The following RIOX2 variants were observed in gnomAD, a reference collection of about 807,000 sequenced individuals.
The protein encoded by RIOX2 is ribosomal oxygenase 2.
Under a neutral mutation model 51.2 loss-of-function variants are expected in RIOX2, and 43 were observed. The ratio of observed to expected loss-of-function variants is 0.84; its 90% CI spans 0.66 to 1.08. RIOX2 has a LOEUF of 1.08. Among genes scored for constraint, RIOX2 ranks in the 50% least tolerant of loss-of-function variants. The pLI is 0.00. For missense variants in RIOX2, 566 were observed against 561.7 expected (o/e 1.01, Z -0.08); for synonymous variants, 226 against 218.5 (o/e 1.03, Z -0.30).
intron 1 of RIOX2, among the ~76,000 whole-genome samples, chr3:97,968,988 G>T (rs1706013989): frequency 6.6e-6 from 1 of 152,222 alleles, no homozygotes; most frequent in Non-Finnish European, 1.5e-5. Context: ...TGGGAAGTAA[G>T]CATCCTGGAA....
Position 97,945,802 on chromosome 3 carries a change from G to A in RIOX2, c.1235C>T (p.Thr412Ile). 1 of 1,607,592 alleles carries A rather than the reference G, an allele frequency of 6.2e-7. No individual in the cohort carries two copies. The highest frequency in any genetic ancestry group is 8.5e-7 in the Non-Finnish European group (1 of 1,174,956). Residue 412 changes from threonine (T) to isoleucine (I), a missense_variant, in exon 9 of 10, where the codon ACA becomes ATA. Thr to Ile is a moderately conservative substitution (Grantham distance 89). Coordinates refer to ENST00000394198, the MANE Select transcript of RIOX2 (RefSeq NM_153182.4). ...TTGTTTTCAGTTGAAACAAACCTCT[G>A]TTTCCTCCTCATTTCCCATCATGTG... ...ETHMMGNEEE[T>I]EFHGLRFPLS...
At chr3:97,946,508 A>C (rs1319104781) in intron 8 of RIOX2, among the ~76,000 whole-genome samples, 1 of 150,392 alleles carries the variant, frequency 6.6e-6, no homozygotes, top group African/African-American at 2.5e-5. Flanking sequence ...CCTAGCGTAC[A>C]ATGTCTCAAA....
chr3:97,945,737 C>CA (rs2040339756), intron 9 of RIOX2, 61 bp downstream of exon 9: 2 of 1,279,282 alleles, frequency 1.6e-6, no homozygotes, highest in Admixed American at 3.8e-5. Flanking sequence ...CAAAAATAAT[C>CA]AATTCTTCCC....
chr3:97,948,120 C>G (rs1575993690), intron 7 of RIOX2, among the ~76,000 whole-genome samples: 1 of 152,124 alleles, frequency 6.6e-6, no homozygotes, highest in African/African-American at 2.4e-5. Context: ...GGGCCATAAG[C>G]TGGTGCATAA....
chr3:97,950,525 C>T (rs1705201701), intron 6 of RIOX2, among the ~76,000 whole-genome samples: 1 of 152,212 alleles, frequency 6.6e-6, no homozygotes, highest in African/African-American at 2.4e-5. Flanking sequence ...CCGTACTATT[C>T]ATTTACTCAA....
At chr3:97,968,968 T>C (rs1170678790) in intron 1 of RIOX2, among the ~76,000 whole-genome samples, 1 of 152,256 alleles carries the variant, frequency 6.6e-6, no homozygotes, top group Non-Finnish European at 1.5e-5. Context: ...GTGGAATTAA[T>C]GTTCTGGCCT....
rs569325121 is a variant in RIOX2 at position 97,945,483 on chromosome 3, C to A, written c.1240-141G>T. ...TTTTAGACACACTACAATTAGATAA[C>A]ATAAAAGATGCCAACTTCTATATAA... is the stretch of plus-strand genomic sequence containing the variant. On this transcript the variant is annotated intron_variant, in intron 9 of 9. Coordinates refer to ENST00000394198, the MANE Select transcript of RIOX2 (RefSeq NM_153182.4). 470 of 740,326 alleles carry A rather than the reference C, an allele frequency of 6.3e-4. 2 individuals carry two copies. Among genetic ancestry groups the A allele is most frequent in the Middle Eastern group, 2.7e-3 (7 of 2,624 alleles). 45.9% of individuals were successfully genotyped at this position (740,326 alleles called of 1,614,324 possible). A position where few individuals can be genotyped will look rare whatever the true frequency, so the allele number is the denominator to read the frequency against.
Position 97,943,511 on chromosome 3 carries a change from T to C in RIOX2, c.*1673A>G. The C allele has an allele frequency of 1.9e-6, 1 of 528,470 alleles. No individual in the cohort carries two copies. The highest frequency in any genetic ancestry group is 3.3e-6 in the Non-Finnish European group (1 of 305,466). 32.7% of individuals were successfully genotyped at this position (528,470 alleles called of 1,614,324 possible). On this transcript the variant is annotated 3_prime_UTR_variant, in exon 10 of 10. Transcript: ENST00000394198. ...AAAATATTCTTGCCATTACTCAGTGTTCCTATAAAGAAAATATTATGATAT... is the reference window on the plus strand; with the variant it reads ...AAAATATTCTTGCCATTACTCAGTGCTCCTATAAAGAAAATATTATGATAT...
chr3:97,950,706 C>G, intron 6 of RIOX2, 80 bp downstream of exon 6: 2 of 1,085,678 alleles, frequency 1.8e-6, no homozygotes, highest in South Asian at 2.5e-5. Flanking sequence ...GAAGAAGTAT[C>G]CTGGGGTCCT....
chr3:97,945,657 A>T (rs2040337672), intron 9 of RIOX2, 141 bp downstream of exon 9: 1 of 664,054 alleles, frequency 1.5e-6, no homozygotes, highest in South Asian at 1.9e-5. Flanking sequence ...ATCCCCATGC[A>T]GGAGCTCTGT....
chr3:97,963,314 A>C (rs924221161), intron 2 of RIOX2, among the ~76,000 whole-genome samples: 2 of 151,982 alleles, frequency 1.3e-5, no homozygotes, highest in African/African-American at 4.8e-5. Flanking sequence ...TTTTGTAGAG[A>C]TGGTGGTCTC....
rs529699585 is a variant in RIOX2 at position 97,963,308 on chromosome 3, G to A, written c.433-1600C>T. ...CCGGCTAATTTTTTTCTCTTATTTT[G>A]TAGAGATGGTGGTCTCACTTTGTTG... On this transcript the variant is annotated intron_variant, in intron 2 of 9. Coordinates refer to ENST00000394198, the MANE Select transcript of RIOX2 (RefSeq NM_153182.4). Among the ~76,000 whole-genome samples the A allele has an allele frequency of 2.6e-5, 4 of 152,156 alleles. No individual in the cohort carries two copies. The East Asian group carries it at 7.8e-4, about 30-fold the overall frequency.
Position 97,945,017 on chromosome 3 carries a change from G to T in RIOX2, c.*167C>A. 1 of 483,406 alleles carries T rather than the reference G, an allele frequency of 2.1e-6. No homozygotes were observed. Among genetic ancestry groups the T allele is most frequent in the East Asian group, 3.3e-5 (1 of 30,416 alleles). 29.9% of individuals were successfully genotyped at this position (483,406 alleles called of 1,614,324 possible). A position where few individuals can be genotyped will look rare whatever the true frequency, so the allele number is the denominator to read the frequency against. ...TAATTTGCTGTTCTTTCTTTCATGTGCCCGTTAGTACATTTGGCCAACTGA... is the reference window on the plus strand; with the variant it reads ...TAATTTGCTGTTCTTTCTTTCATGTTCCCGTTAGTACATTTGGCCAACTGA... On this transcript the variant is annotated 3_prime_UTR_variant, in exon 10 of 10. Coordinates refer to ENST00000394198, the MANE Select transcript of RIOX2 (RefSeq NM_153182.4).
chr3:97,971,077 T>C (rs1489415572), intron 1 of RIOX2, among the ~76,000 whole-genome samples: 2 of 152,222 alleles, frequency 1.3e-5, no homozygotes, highest in Admixed American at 1.3e-4. Context: ...AAAAAACAGA[T>C]GGCCTGTGCA....
chr3:97,961,733 G>A (rs1054926534), intron 2 of RIOX2, 25 bp from the exon 3 acceptor site: 2 of 1,569,884 alleles, frequency 1.3e-6, no homozygotes, highest in Middle Eastern at 1.7e-4. Flanking sequence ...AAAAAAGAAA[G>A]GGTCGGCGTG....
At chr3:97,952,626 T>C (rs985167986) in intron 5 of RIOX2, among the ~76,000 whole-genome samples, 1 of 151,534 alleles carries the variant, frequency 6.6e-6, no homozygotes. Flanking sequence ...AGAAAGGGAG[T>C]ACCTGAGAAA....
chr3:97,954,499 A>T lies in RIOX2; in HGVS notation c.682-4T>A, dbSNP rs771390113. On this transcript the variant is annotated splice_region_variant and splice_polypyrimidine_tract_variant and intron_variant, in intron 4 of 9. Transcript: ENST00000394198. ...GAAAGTACAACAAATCACCCGGCTA[A>T]AGGAAGGAATAGGAAAGGGTAGAGA... The T allele has an allele frequency of 4.3e-6, 7 of 1,612,658 alleles. No homozygotes were observed. The highest frequency in any genetic ancestry group is 5.1e-6 in the Non-Finnish European group (6 of 1,178,920).
chr3:97,946,656 G>A (rs1015499919), intron 8 of RIOX2, among the ~76,000 whole-genome samples: 16 of 147,616 alleles, frequency 1.1e-4, no homozygotes, highest in Admixed American at 2.0e-4. Flanking sequence ...CCTGACGGCT[G>A]GAACAATCTG....
chr3:97,943,152 A>AT lies in RIOX2; in HGVS notation c.*2031_*2032insA. On this transcript the variant is annotated 3_prime_UTR_variant, in exon 10 of 10. Transcript: ENST00000394198. Reference sequence around the variant, plus strand: ...CCACCGAAATGGTGAGCTGAACAGAAGCTTGTGAAAATTGTGAAATTGCTA... The same window carrying AT: ...CCACCGAAATGGTGAGCTGAACAGAATGCTTGTGAAAATTGTGAAATTGCTA... The AT allele has an allele frequency of 1.2e-6, 1 of 804,282 alleles. No individual in the cohort carries two copies. The highest frequency in any genetic ancestry group is 1.6e-5 in the South Asian group (1 of 63,774). 49.8% of individuals were successfully genotyped at this position (804,282 alleles called of 1,614,324 possible). A position where few individuals can be genotyped will look rare whatever the true frequency, so the allele number is the denominator to read the frequency against.
Sources: gnomAD v4.1 joint callset for allele counts (sites outside exome capture counted in the v4.1 genomes callset) on GRCh38, gnomAD v4.1.1 for gene constraint, MANE v1.5 for transcripts, NCBI Gene and HGNC (gene_info 2026-07-23, HGNC 2026-07-21) for gene names.